The following DOCK4 variants were observed in gnomAD, a reference collection of about 807,000 sequenced individuals.
DOCK4 encodes dedicator of cytokinesis protein 4.
DOCK4 carries 97 observed loss-of-function variants against 268.1 expected under a neutral mutation model. That is an observed-to-expected ratio of 0.36 (90% CI 0.31 to 0.43). The LOEUF is 0.43. Among genes scored for constraint, DOCK4 ranks in the 20% least tolerant of loss-of-function variants. DOCK4 has a pLI of 1.00. For missense variants in DOCK4, 2,145 were observed against 2,455.7 expected (o/e 0.87, Z 2.67); for synonymous variants, 954 against 887.2 (o/e 1.08, Z -1.34).
intron 23 of DOCK4, 145 bp downstream of exon 23, chr7:111,863,223 TACTA>T: frequency 1.3e-6 from 1 of 748,464 alleles, no homozygotes. Flanking sequence ...TGTATTTGAC[TACTA>T]AATACATTTA....
Position 111,765,130 on chromosome 7 carries a change from T to C in DOCK4, c.4008A>G (p.Pro1336=), listed in dbSNP as rs369986800. 6 of 1,522,440 alleles carry C rather than the reference T, an allele frequency of 3.9e-6. No homozygotes were observed. The highest frequency in any genetic ancestry group is 1.4e-5 in the African/African-American group (1 of 71,100). The allele number at this position is 1,522,440 out of a possible 1,614,324, so 94.3% of individuals were successfully genotyped here. ...FRVGFYGKKF[P]FFLRNKEFVC... ...GTATATTACTTACTCTTAAGAAAAA[T>C]GGAAATTTTTTTCCATAAAATCCAA... The change falls in exon 39 of 53, where the codon CCA becomes CCG. Residue 1336 remains proline (P), a synonymous_variant. Coordinates refer to ENST00000428084, the MANE Select transcript of DOCK4 (RefSeq NM_001363540.2).
chr7:112,084,811 G>A (rs992368266), intron 1 of DOCK4, among the ~76,000 whole-genome samples: 3 of 152,036 alleles, frequency 2.0e-5, no homozygotes, highest in African/African-American at 7.2e-5. Flanking sequence ...CCATTACAAG[G>A]CACTTCCCGT....
chr7:112,063,816 T>C (rs1400017853), intron 1 of DOCK4, among the ~76,000 whole-genome samples: 1 of 152,162 alleles, frequency 6.6e-6, no homozygotes, highest in Admixed American at 6.5e-5. Context: ...GTTGTCAGGG[T>C]AGGATCGGGA....
At chr7:111,902,856 G>A (rs561033784) in intron 13 of DOCK4, among the ~76,000 whole-genome samples, 14 of 151,896 alleles carry the variant, frequency 9.2e-5, no homozygotes, top group East Asian at 3.9e-4. Flanking sequence ...TGCAAGCTCC[G>A]CCTCCCAGGT....
chr7:111,981,389 G>C (rs1798597153), intron 7 of DOCK4, among the ~76,000 whole-genome samples: 1 of 152,170 alleles, frequency 6.6e-6, no homozygotes, highest in Admixed American at 6.6e-5. Context: ...ACAGAAACTT[G>C]AAAAAGAAAC....
At chr7:111,843,308 A>G (rs1470661742) in intron 25 of DOCK4, among the ~76,000 whole-genome samples, 1 of 152,206 alleles carries the variant, frequency 6.6e-6, no homozygotes, top group Non-Finnish European at 1.5e-5. Flanking sequence ...GGATGAAAAA[A>G]CAAGCTACAG....
chr7:111,809,500 G>T, intron 28 of DOCK4, 99 bp from the exon 29 acceptor site: 1 of 1,016,190 alleles, frequency 9.8e-7, no homozygotes. Context: ...GTGGTTGAGG[G>T]TATAGTTGAA....
chr7:111,905,366 C>T (rs1305869604), intron 13 of DOCK4, among the ~76,000 whole-genome samples: 1 of 152,220 alleles, frequency 6.6e-6, no homozygotes, highest in East Asian at 1.9e-4. Context: ...GTGCACCACA[C>T]TTTCTTCCTC....
chr7:112,090,700 A>G (rs756299288), intron 1 of DOCK4, among the ~76,000 whole-genome samples: 1 of 152,198 alleles, frequency 6.6e-6, no homozygotes, highest in African/African-American at 2.4e-5. Context: ...TGATTCTATA[A>G]ACTATATTCT....
At chr7:112,111,840 A>G (rs1403336706) in intron 1 of DOCK4, among the ~76,000 whole-genome samples, 1 of 152,192 alleles carries the variant, frequency 6.6e-6, no homozygotes, top group African/African-American at 2.4e-5. Flanking sequence ...TAGGCTACAT[A>G]AAATCCACAT....
At chr7:112,132,255 G>T (rs956598040) in intron 1 of DOCK4, among the ~76,000 whole-genome samples, 5 of 152,068 alleles carry the variant, frequency 3.3e-5, no homozygotes, top group African/African-American at 7.2e-5. Flanking sequence ...TGCTGAAGAG[G>T]TTTAAGTCAC....
chr7:111,984,887 T>C (rs1798932389), intron 6 of DOCK4, among the ~76,000 whole-genome samples: 1 of 152,162 alleles, frequency 6.6e-6, no homozygotes, highest in Non-Finnish European at 1.5e-5. Flanking sequence ...ATGGTCCTTA[T>C]TTACAGCAAA....
chr7:111,847,237 G>T, intron 23 of DOCK4, 111 bp from the exon 24 acceptor site: 2 of 1,334,924 alleles, frequency 1.5e-6, no homozygotes, highest in Non-Finnish European at 2.1e-6. Flanking sequence ...ATTAACACAT[G>T]TAGTTACAAA....
At chr7:111,824,316 T>C (rs1301988604) in intron 26 of DOCK4, among the ~76,000 whole-genome samples, 2 of 152,152 alleles carry the variant, frequency 1.3e-5, no homozygotes, top group Non-Finnish European at 2.9e-5. Context: ...ATATATTATA[T>C]ATAATCCCTG....
Position 111,921,188 on chromosome 7 carries a change from A to G in DOCK4, c.1067-5284T>C, listed in dbSNP as rs895519335. 4.6e-5 allele frequency among the ~76,000 whole-genome samples: 7 copies of G among 152,352 alleles called. No homozygotes were observed. The East Asian group carries it at 5.8e-4, about 13-fold the overall frequency. On this transcript the variant is annotated intron_variant, in intron 12 of 52. Coordinates refer to ENST00000428084, the MANE Select transcript of DOCK4 (RefSeq NM_001363540.2). ...ACATCAGCCTAGATGTTCAAGCCCA[A>G]TGATAAATACTTAACATTTAATTTT...
chr7:111,741,942 C>A (rs1449353567), intron 45 of DOCK4, 71 bp downstream of exon 45: 1 of 1,499,218 alleles, frequency 6.7e-7, no homozygotes, highest in Non-Finnish European at 8.9e-7. Context: ...CTATTGGATA[C>A]ATCATCATCC....
intron 1 of DOCK4, among the ~76,000 whole-genome samples, chr7:112,042,880 G>C (rs2135515730): frequency 6.6e-6 from 1 of 152,286 alleles, no homozygotes; most frequent in South Asian, 2.1e-4. Context: ...AATCTCATGG[G>C]AGTAAGTTAG....
At chr7:111,737,353 T>G (rs1279920175) in intron 49 of DOCK4, among the ~76,000 whole-genome samples, 1 of 152,178 alleles carries the variant, frequency 6.6e-6, no homozygotes, top group African/African-American at 2.4e-5. Flanking sequence ...CTTGAATGCC[T>G]GGGCTCAAGC....
intron 2 of DOCK4, 35 bp from the exon 3 acceptor site, chr7:112,000,569 A>G (rs776946489): frequency 2.1e-6 from 3 of 1,462,810 alleles, no homozygotes; most frequent in East Asian, 2.4e-5. Context: ...ATTTTGATAA[A>G]CCATTGTAAT....
Sources: allele counts gnomAD v4.1 joint callset (sites outside exome capture counted in the v4.1 genomes callset), GRCh38; gene constraint gnomAD v4.1.1; transcripts MANE v1.5; gene names NCBI Gene and HGNC (gene_info 2026-07-23, HGNC 2026-07-21).